The following LDB1 variants were observed in gnomAD, a reference collection of about 807,000 sequenced individuals.
LDB1 encodes LIM domain binding 1.
Under a neutral mutation model 49.7 loss-of-function variants are expected in LDB1, and 6 were observed. The observed-to-expected ratio is 0.12, with a 90% CI of 0.07 to 0.24. The LOEUF is 0.24. Ranked by LOEUF, LDB1 falls within the 10% of genes least tolerant of loss-of-function variation. LDB1 has a pLI of 1.00. For missense variants in LDB1, 341 were observed against 561.7 expected (o/e 0.61, Z 3.97); for synonymous variants, 233 against 202.0 (o/e 1.15, Z -1.30).
chr10:102,108,362 G>A, intron 10 of LDB1, 39 bp from the exon 11 acceptor site: 1 of 1,551,462 alleles, frequency 6.4e-7, no homozygotes. Flanking sequence ...ATCGGGGCAA[G>A]GGCTCGCCCG....
At chr10:102,111,178 C>A (rs368505827) in intron 3 of LDB1, 34 bp from the exon 4 acceptor site, 2 of 1,609,886 alleles carry the variant, frequency 1.2e-6, no homozygotes, top group Non-Finnish European at 1.7e-6. Flanking sequence ...TCAGTAGGAG[C>A]GGAGCCTGCC....
chr10:102,102,575 C>T (rs2068129116), downstream of LDB1, among the ~76,000 whole-genome samples: 1 of 152,180 alleles, frequency 6.6e-6, no homozygotes, highest in Admixed American at 6.5e-5. Flanking sequence ...TGAGCCTCTC[C>T]TGAGGCTGAA....
chr10:102,110,475 G>A, intron 6 of LDB1, 54 bp downstream of exon 6: 1 of 1,543,826 alleles, frequency 6.5e-7, no homozygotes, highest in South Asian at 1.2e-5. Flanking sequence ...TGGGAGAGAG[G>A]ATGGGAATCA....
In LDB1 at chr10:102,108,076, G is replaced by A. The variant is rs754615555; in HGVS notation, c.*17C>T. 40 of 1,587,330 alleles carry A rather than the reference G, an allele frequency of 2.5e-5. No individual in the cohort carries two copies. Among genetic ancestry groups the A allele is most frequent in the Non-Finnish European group, 3.5e-5 (40 of 1,156,276 alleles). ...GGGGCAGGTAGGCAGAGCACTGGGT[G>A]GCCACAGCAGGGCCTTTTACTGGGA... is the stretch of plus-strand genomic sequence containing the variant. On this transcript the variant is annotated 3_prime_UTR_variant, in exon 11 of 11. Transcript: ENST00000673968.
At position 102,107,795 on chromosome 10, in the gene LDB1, G is replaced by T. The variant is rs2068185982; in HGVS notation, c.*298C>A. On this transcript the variant is annotated 3_prime_UTR_variant, in exon 11 of 11. Transcript: ENST00000673968. ...TGGGAAACCCACAATCTGGGGTGAAGATGGAGGCAAATGCCCTGGGGGGTG... is the reference window on the plus strand; with the variant it reads ...TGGGAAACCCACAATCTGGGGTGAATATGGAGGCAAATGCCCTGGGGGGTG... The T allele has an allele frequency of 2.2e-6, 1 of 457,248 alleles. No homozygotes were observed. The highest frequency in any genetic ancestry group is 2.0e-5 in the African/African-American group (1 of 51,080). The allele number at this position is 457,248 out of a possible 1,614,324, so 28.3% of individuals were successfully genotyped here. A position where few individuals can be genotyped will look rare whatever the true frequency, so the allele number is the denominator to read the frequency against.
intron 1 of LDB1, chr10:102,114,811 A>AGGGC: frequency 2.0e-5 from 18 of 883,196 alleles, no homozygotes; most frequent in Non-Finnish European, 2.3e-5. Flanking sequence ...GCCTCCGAGC[A>AGGGC]GCCCGCCCGC....
In LDB1 at chr10:102,107,066, C is replaced by T. The variant is rs1303673251; in HGVS notation, c.*1027G>A. 6.6e-6 allele frequency among the ~76,000 whole-genome samples: 1 copy of T among 152,076 alleles called. No homozygotes were observed. Among genetic ancestry groups the T allele is most frequent in the Admixed American group, 6.5e-5 (1 of 15,270 alleles). Reference sequence around the variant, plus strand: ...AGATTCTGGAGGAAAGTGGCTGAGCCCCTCTCCCATCCCATGCCTGCCCAA... The same window carrying T: ...AGATTCTGGAGGAAAGTGGCTGAGCTCCTCTCCCATCCCATGCCTGCCCAA... On this transcript the variant is annotated 3_prime_UTR_variant, in exon 11 of 11. Transcript: ENST00000673968.
intron 10 of LDB1, 150 bp downstream of exon 10, chr10:102,108,879 C>T: frequency 1.9e-6 from 2 of 1,030,404 alleles, no homozygotes; most frequent in Non-Finnish European, 3.0e-6. Flanking sequence ...CAAGAACTCT[C>T]TCACCAGTAA....
At position 102,111,457 on chromosome 10, in the gene LDB1, G is replaced by A; in HGVS notation, c.105C>T (p.Gly35=). The change falls in exon 2 of 11, where the codon GGC becomes GGT. Residue 35 remains glycine (G), a synonymous_variant. Coordinates refer to ENST00000673968, the MANE Select transcript of LDB1 (RefSeq NM_001113407.3). ...NGNAFPPFHP[G]TMLDRDVGPT... is the part of the protein sequence containing the mutation. ...ACCCCACATCCCTATCCAGCATGGT[G>A]CCGGGATGGAAGGGGGGAAAGGCGT... The A allele has an allele frequency of 6.4e-7, 1 of 1,572,100 alleles. No homozygotes were observed. The highest frequency in any genetic ancestry group is 8.6e-7 in the Non-Finnish European group (1 of 1,157,180).
chr10:102,111,183 C>A, intron 3 of LDB1, 39 bp from the exon 4 acceptor site: 1 of 1,609,660 alleles, frequency 6.2e-7, no homozygotes, highest in Non-Finnish European at 8.5e-7. Context: ...AGGAGCGGAG[C>A]CTGCCCCCTC....
chr10:102,114,155 A>G (rs559967149), intron 1 of LDB1, among the ~76,000 whole-genome samples: 2 of 152,354 alleles, frequency 1.3e-5, no homozygotes, highest in Non-Finnish European at 2.9e-5. Context: ...GCCCAGAACT[A>G]GTAAAGTTTT....
intron 1 of LDB1, among the ~76,000 whole-genome samples, chr10:102,111,958 G>A (rs1388956830): frequency 1.3e-5 from 2 of 152,096 alleles, no homozygotes; most frequent in Non-Finnish European, 2.9e-5. Context: ...GATTATAAGA[G>A]AGTGGTGGAC....
intron 10 of LDB1, 49 bp downstream of exon 10, chr10:102,108,980 G>A: frequency 6.2e-7 from 1 of 1,613,038 alleles, no homozygotes; most frequent in Non-Finnish European, 8.5e-7. Context: ...AGGGGTCAGG[G>A]GTGAGTGGTG....
At position 102,109,551 on chromosome 10, in the gene LDB1, A is replaced by T; in HGVS notation, c.733-44T>A. The T allele has an allele frequency of 6.2e-7, 1 of 1,614,060 alleles. No individual in the cohort carries two copies. The highest frequency in any genetic ancestry group is 8.5e-7 in the Non-Finnish European group (1 of 1,179,978). On this transcript the variant is annotated intron_variant, in intron 8 of 10. Coordinates refer to ENST00000673968, the MANE Select transcript of LDB1 (RefSeq NM_001113407.3). The surrounding 1 kb of genome is among the most constrained non-coding windows in gnomAD (Gnocchi z 5.8). ...GTGGCTTGTCAGGGGACAGACATGG[A>T]GCCGAGACTAAATGGACTGGGGCAG...
In LDB1 at chr10:102,107,175, C is replaced by A. The variant is rs1340953586; in HGVS notation, c.*918G>T. On this transcript the variant is annotated 3_prime_UTR_variant, in exon 11 of 11. Transcript: ENST00000673968. ...GGGAAGGAGCCTCCCCTCCCCGCATCCTAGACAGCTGCTCTTGTGGAGGAC... is the reference window on the plus strand; with the variant it reads ...GGGAAGGAGCCTCCCCTCCCCGCATACTAGACAGCTGCTCTTGTGGAGGAC... Among the ~76,000 whole-genome samples the A allele has an allele frequency of 1.1e-4, 17 of 152,146 alleles. No individual in the cohort carries two copies. Among genetic ancestry groups the A allele is most frequent in the Non-Finnish European group, 2.9e-5 (2 of 68,028 alleles).
At position 102,108,112 on chromosome 10, in the gene LDB1, G is replaced by C. The variant is rs773354858; in HGVS notation, c.1217C>G (p.Thr406Arg). The change falls in exon 11 of 11, where the codon ACG becomes AGG. Residue 406 changes from threonine to arginine, a missense_variant. Thr to Arg is a moderately conservative substitution (Grantham distance 71). This residue lies in a region of LDB1 where 46 missense variants were observed against 62.9 expected (regional missense o/e 0.73). Transcript: ENST00000673968. ...GGCCTTTTACTGGGAGGCCTGTGAC[G>C]TGGGGTTCTCCGATTTGCTTTCTTG... ...SSQESKSENP[T>R]SQASQ The C allele has an allele frequency of 1.2e-6, 2 of 1,614,022 alleles. No individual in the cohort carries two copies. The highest frequency in any genetic ancestry group is 2.2e-5 in the South Asian group (2 of 91,090).
chr10:102,118,412 G>T (rs1472627453), intron 1 of LDB1, among the ~76,000 whole-genome samples: 2 of 152,032 alleles, frequency 1.3e-5, no homozygotes, highest in Non-Finnish European at 2.9e-5. Context: ...GACTGAAGTT[G>T]TCTTCCCACC....
In LDB1 at chr10:102,117,626, G is replaced by A. The variant is rs12414659; in HGVS notation, c.25+2460C>T. Among the ~76,000 whole-genome samples, 6,086 of 152,084 alleles carry A rather than the reference G, an allele frequency of 0.04. 206 individuals carry two copies. Among genetic ancestry groups the A allele is most frequent in the Admixed American group, 0.11 (1,619 of 15,276 alleles). ...GTGCCCGGCCTCCCGTTGGCCTGGC[G>A]CTCTGCCATCCTCCTCTCCTGGCTC... On this transcript the variant is annotated intron_variant, in intron 1 of 10. Transcript: ENST00000673968. This position sits in a 1 kb window ranked among gnomAD's most constrained non-coding sequence, Gnocchi z 4.2.
upstream of LDB1, among the ~76,000 whole-genome samples, chr10:102,121,048 G>A (rs547315976): frequency 1.1e-4 from 16 of 152,120 alleles, no homozygotes; most frequent in Non-Finnish European, 2.1e-4. Flanking sequence ...CTCCTCCTTT[G>A]CCTGCGAAAC....
Sources: allele counts gnomAD v4.1 joint callset (sites outside exome capture counted in the v4.1 genomes callset), GRCh38; gene constraint gnomAD v4.1.1; regional missense constraint gnomAD v4.1.1; non-coding constraint Gnocchi (gnomAD v3.1); transcripts MANE v1.5; gene names NCBI Gene and HGNC (gene_info 2026-07-23, HGNC 2026-07-21).